The following COX7C variants were observed in gnomAD, a reference collection of about 807,000 sequenced individuals.
The protein encoded by COX7C is cytochrome c oxidase subunit 7C, mitochondrial.
A neutral mutation model predicts 6.4 loss-of-function variants in COX7C; 1 was observed. The ratio of observed to expected loss-of-function variants is 0.16; its 90% CI spans 0.06 to 0.74. COX7C has a LOEUF of 0.74. COX7C is among the 30% of genes least tolerant of loss of function. The pLI is 0.78. For missense variants in COX7C, 54 were observed against 73.7 expected, an observed-to-expected ratio of 0.73 and a Z score of 0.98; for synonymous variants, 24 against 28.9, an observed-to-expected ratio of 0.83 and a Z score of 0.54.
Position 86,618,150 on chromosome 5 carries a change from G to A in COX7C, c.75+20G>A. 1 of 1,612,620 alleles carries A rather than the reference G, an allele frequency of 6.2e-7. No individual in the cohort carries two copies. The highest frequency in any genetic ancestry group is 1.1e-5 in the South Asian group (1 of 91,008). On this transcript the variant is annotated intron_variant, in intron 1 of 2. Transcript: ENST00000247655. Reference sequence around the variant, plus strand: ...GGGAAGGTTAGTGTGTAAGGGGCACGGCTTCGTTGGGGGAGGGGGCGCTTG... The same window carrying A: ...GGGAAGGTTAGTGTGTAAGGGGCACAGCTTCGTTGGGGGAGGGGGCGCTTG...
chr5:86,618,445 G>C (rs1340959521), intron 1 of COX7C: 2 of 316,796 alleles, frequency 6.3e-6, no homozygotes, highest in Non-Finnish European at 1.2e-5. Flanking sequence ...TTAAATCCGA[G>C]CTGGAGGTCA....
Position 86,620,685 on chromosome 5 carries a change from A to G in COX7C, c.*45A>G. On this transcript the variant is annotated 3_prime_UTR_variant, in exon 3 of 3. Coordinates refer to ENST00000247655, the MANE Select transcript of COX7C (RefSeq NM_001867.3). ...TTTTGCAGATATGAAGAGCATTTTA[A>G]GAGGTGCAGCCTCTGGAAGTGGATC... 2.3e-6 allele frequency: 1 copy of G among 433,406 alleles called. No homozygotes were observed. Among genetic ancestry groups the G allele is most frequent in the Non-Finnish European group, 4.7e-6 (1 of 211,618 alleles). The allele number at this position is 433,406 out of a possible 1,614,324, so 26.8% of individuals were successfully genotyped here. A position where few individuals can be genotyped will look rare whatever the true frequency, so the allele number is the denominator to read the frequency against.
rs756127021 is a variant in COX7C, at chr5:86,620,642, CATTA to C, written c.*28-22_*28-19del. On this transcript the variant is annotated intron_variant, in intron 2 of 2. Coordinates refer to ENST00000247655, the MANE Select transcript of COX7C (RefSeq NM_001867.3). ...TAAATGAATGGGATTTTTAAAATGCCATTAATTTCTGTTTTTATTTTGCAGATAT... is the reference window on the plus strand; with the variant it reads ...TAAATGAATGGGATTTTTAAAATGCCATTTCTGTTTTTATTTTGCAGATAT... 41 of 434,246 alleles carry C rather than the reference CATTA, an allele frequency of 9.4e-5. 1 individual carries two copies. The Middle Eastern group carries it at 4.2e-3, about 44-fold the overall frequency. The allele number at this position is 434,246 out of a possible 1,614,324, so 26.9% of individuals were successfully genotyped here.
chr5:86,618,966 G>T (rs150799572), intron 1 of COX7C, among the ~76,000 whole-genome samples: 1,724 of 150,010 alleles, frequency 0.011, 30 homozygotes, highest in African/African-American at 0.039. Context: ...TGGACAGAGC[G>T]GGACTCCGTC....
chr5:86,619,062 G>GT (rs1259589410), intron 1 of COX7C, among the ~76,000 whole-genome samples: 2 of 152,018 alleles, frequency 1.3e-5, no homozygotes, highest in African/African-American at 4.8e-5. Context: ...TAGGACAGTA[G>GT]TTTTTTCGAT....
intron 1 of COX7C, 200 bp downstream of exon 1, chr5:86,618,330 G>C: frequency 3.5e-6 from 2 of 565,678 alleles, no homozygotes. Flanking sequence ...GGAATGGGCA[G>C]GTAGATCCGG....
intron 1 of COX7C, among the ~76,000 whole-genome samples, chr5:86,619,012 T>C (rs1006209316): frequency 1.3e-5 from 2 of 151,906 alleles, no homozygotes; most frequent in Admixed American, 6.6e-5. Context: ...AAGAGCTGTA[T>C]TGCACTTAAC....
At chr5:86,618,363 C>T (rs1000433990) in intron 1 of COX7C, 3 of 501,500 alleles carry the variant, frequency 6.0e-6, no homozygotes, top group Admixed American at 3.4e-5. Flanking sequence ...CATCAGCCAC[C>T]TGACGCCCCC....
chr5:86,618,994 G>GA (rs991696408), intron 1 of COX7C, among the ~76,000 whole-genome samples: 23 of 145,286 alleles, frequency 1.6e-4, no homozygotes, highest in African/African-American at 4.6e-4. Context: ...AAAAAAAAAA[G>GA]AAAAAAAAAG....
intron 2 of COX7C, chr5:86,620,297 C>A (rs1328751979): frequency 1.3e-5 from 2 of 152,910 alleles, no homozygotes; most frequent in African/African-American, 4.8e-5. Context: ...GGTTGAGAAG[C>A]CTTGTGTCAA....
chr5:86,620,668 A>G lies in COX7C; in HGVS notation c.*28A>G. 2.3e-6 allele frequency: 1 copy of G among 437,096 alleles called. No individual in the cohort carries two copies. Among genetic ancestry groups the G allele is most frequent in the South Asian group, 1.6e-5 (1 of 62,674 alleles). The allele number at this position is 437,096 out of a possible 1,614,324, so 27.1% of individuals were successfully genotyped here. ...ATTAATTTCTGTTTTTATTTTGCAG[A>G]TATGAAGAGCATTTTAAGAGGTGCA... On this transcript the variant is annotated splice_region_variant and 3_prime_UTR_variant, in exon 3 of 3. Transcript: ENST00000247655.
chr5:86,618,134 A>G lies in COX7C; in HGVS notation c.75+4A>G, dbSNP rs1750036465. ...CTATGAGGAGGGCCCTGGGAAGGTTAGTGTGTAAGGGGCACGGCTTCGTTG... is the reference window on the plus strand; with the variant it reads ...CTATGAGGAGGGCCCTGGGAAGGTTGGTGTGTAAGGGGCACGGCTTCGTTG... On this transcript the variant is annotated splice_donor_region_variant and intron_variant, in intron 1 of 2. Coordinates refer to ENST00000247655, the MANE Select transcript of COX7C (RefSeq NM_001867.3). 1.2e-6 allele frequency: 2 copies of G among 1,613,828 alleles called. No homozygotes were observed. The highest frequency in any genetic ancestry group is 1.7e-6 in the Non-Finnish European group (2 of 1,179,898).
At chr5:86,620,541 C>A (rs1004564099) in intron 2 of COX7C, 127 bp from the exon 3 acceptor site, 1 of 307,892 alleles carries the variant, frequency 3.2e-6, no homozygotes, top group South Asian at 2.5e-5. Flanking sequence ...TGAATGAATT[C>A]ATGATACTGT....
chr5:86,619,675 C>T (rs1750079362), intron 2 of COX7C, 179 bp downstream of exon 2: 1 of 501,640 alleles, frequency 2.0e-6, no homozygotes, highest in African/African-American at 1.9e-5. Flanking sequence ...TCAATAATGG[C>T]CAGTGTTTAT....
chr5:86,618,454 C>A (rs1017584757), intron 1 of COX7C: 2 of 296,634 alleles, frequency 6.7e-6, no homozygotes, highest in African/African-American at 4.4e-5. Flanking sequence ...AGCTGGAGGT[C>A]ATCGGACCCG....
intron 1 of COX7C, 142 bp downstream of exon 1, chr5:86,618,272 C>T: frequency 5.4e-6 from 4 of 744,958 alleles, no homozygotes; most frequent in East Asian, 2.7e-5. Flanking sequence ...TTCCACTTAG[C>T]CCAAGGACCA....
intron 1 of COX7C, 99 bp from the exon 2 acceptor site, chr5:86,619,254 G>A: frequency 2.6e-6 from 2 of 758,304 alleles, no homozygotes; most frequent in Non-Finnish European, 2.3e-6. Flanking sequence ...ACCTGATGAT[G>A]TAAAATATAA....
At chr5:86,618,521 C>T (rs1224233990) in intron 1 of COX7C, among the ~76,000 whole-genome samples, 1 of 152,166 alleles carries the variant, frequency 6.6e-6, no homozygotes, top group Non-Finnish European at 1.5e-5. Context: ...ATGGAACAGG[C>T]TTTTTAAACT....
At chr5:86,618,309 T>C in intron 1 of COX7C, 179 bp downstream of exon 1, 1 of 615,578 alleles carries the variant, frequency 1.6e-6, no homozygotes, top group South Asian at 2.0e-5. Flanking sequence ...TCCTAGCGCG[T>C]AGCCGCTAAA....
Sources: allele counts gnomAD v4.1 joint callset (sites outside exome capture counted in the v4.1 genomes callset), GRCh38; gene constraint gnomAD v4.1.1; transcripts MANE v1.5; gene names NCBI Gene and HGNC (gene_info 2026-07-23, HGNC 2026-07-21).